Variants in GLIS2 observed in about 807,000 individuals in gnomAD.
The protein encoded by GLIS2 is zinc finger protein GLIS2.
GLIS2 carries 14 observed loss-of-function variants against 35.6 expected under a neutral mutation model. The observed-to-expected ratio is 0.39, with a 90% CI of 0.26 to 0.61. The LOEUF is 0.61. GLIS2 is among the 20% of genes least tolerant of loss of function. The probability of loss-of-function intolerance (pLI) is 0.48; values close to 1 mark genes in which losing one functional copy is unlikely to be tolerated. For missense variants in GLIS2, 675 were observed against 713.4 expected, an observed-to-expected ratio of 0.95 and a Z score of 0.61; for synonymous variants, 368 against 325.1, an observed-to-expected ratio of 1.13 and a Z score of -1.42.
intron 6 of GLIS2, chr16:4,336,439 G>T (rs979103364): frequency 2.9e-5 from 17 of 587,200 alleles, no homozygotes; most frequent in Non-Finnish European, 4.0e-5. Context: ...GAGCCACCGG[G>T]CCCGGCCTCC....
rs551297578 is a variant in GLIS2 at position 4,337,549 on chromosome 16, G to GC, written c.*32dup. On this transcript the variant is annotated 3_prime_UTR_variant, in exon 7 of 7. Transcript: ENST00000433375. ...AGCCCATCCTGCGGACAGTTGTGGTGCCCCCCCGGCAGCTCCCGGCACTGC... is the reference window on the plus strand; with the variant it reads ...AGCCCATCCTGCGGACAGTTGTGGTGCCCCCCCCGGCAGCTCCCGGCACTGC... 213 of 1,543,484 alleles carry GC rather than the reference G, an allele frequency of 1.4e-4. No homozygotes were observed. Among genetic ancestry groups the GC allele is most frequent in the African/African-American group, 6.7e-4 (49 of 73,610 alleles).
rs1185231897 is a variant in GLIS2, at chr16:4,316,108, C to T, written c.-213C>T. On this transcript the variant is annotated 5_prime_UTR_variant, in exon 1 of 7. Transcript: ENST00000433375. ...CTGCAGATGTGGCGGAGCGGCCGGG[C>T]GCCGGGCGGCCGTGCCAGGGGAGCC... Among the ~76,000 whole-genome samples the T allele has an allele frequency of 2.3e-5, 3 of 131,208 alleles. No homozygotes were observed. The highest frequency in any genetic ancestry group is 4.9e-5 in the Non-Finnish European group (3 of 61,394). The allele number at this position is 131,208 out of a possible 152,430, so 86.1% of individuals were successfully genotyped here. A position where few individuals can be genotyped will look rare whatever the true frequency, so the allele number is the denominator to read the frequency against.
At chr16:4,333,270 G>A (rs1253268792) in intron 2 of GLIS2, 77 bp from the exon 3 acceptor site, 1 of 1,539,308 alleles carries the variant, frequency 6.5e-7, no homozygotes, top group East Asian at 2.3e-5. Flanking sequence ...AGGTCACAGT[G>A]GGGGTTCGGA....
Position 4,332,359 on chromosome 16 carries a change from A to C in GLIS2, c.79A>C (p.Thr27Pro). Residue 27 changes from threonine (T) to proline (P), a missense_variant, in exon 2 of 7, where the codon ACG (threonine) becomes CCG (proline). Thr to Pro is a conservative substitution (Grantham distance 38). This residue lies in a region of GLIS2 where 225 missense variants were observed against 238.7 expected (regional missense o/e 0.94). Transcript: ENST00000433375. This position sits in a 1 kb window ranked among gnomAD's most constrained non-coding sequence, Gnocchi z 5.4. ...GGCGGCAAGAGAGAAGCGGGAGAGG[A>C]CGCTGGGTGTGGTCCGGCCCCGTGC... ...LRAAREKRER[T>P]LGVVRPRALH... is the part of the protein sequence containing the mutation. 1 of 1,613,080 alleles carries C rather than the reference A, an allele frequency of 6.2e-7. No homozygotes were observed. The highest frequency in any genetic ancestry group is 8.5e-7 in the Non-Finnish European group (1 of 1,180,010).
At chr16:4,327,196 G>C (rs886125640) in intron 1 of GLIS2, among the ~76,000 whole-genome samples, 3 of 152,190 alleles carry the variant, frequency 2.0e-5, no homozygotes, top group Non-Finnish European at 2.9e-5. Flanking sequence ...GCCTGGCCTA[G>C]AAGGAGCTTT....
At chr16:4,324,320 C>A (rs565691741) in intron 1 of GLIS2, among the ~76,000 whole-genome samples, 1 of 152,226 alleles carries the variant, frequency 6.6e-6, no homozygotes. Flanking sequence ...GCTCCTCCCC[C>A]TCCAGTCCTG....
chr16:4,326,799 C>T (rs1377100868), intron 1 of GLIS2, among the ~76,000 whole-genome samples: 7 of 149,154 alleles, frequency 4.7e-5, no homozygotes, highest in South Asian at 2.1e-4. Flanking sequence ...CTCACTCCGT[C>T]GCCCAGGCTG....
rs774316267 is a variant in GLIS2 at position 4,337,342 on chromosome 16, C to G, written c.1393C>G (p.Leu465Val). Reference sequence around the variant, plus strand: ...GGGCATGGAGGGCCACAAGACGCCCCTTGAAAGGACGGAGAGCAGCTGCTC... The same window carrying G: ...GGGCATGGAGGGCCACAAGACGCCCGTTGAAAGGACGGAGAGCAGCTGCTC... ...ALGMEGHKTP[L>V]ERTESSCSRP... Residue 465 changes from leucine (L) to valine (V), a missense_variant, in exon 7 of 7, where the codon CTT (leucine) becomes GTT (valine). Physicochemically the swap from Leu to Val is conservative, Grantham distance 32 (BLOSUM62 1). Transcript: ENST00000433375. 109 of 1,588,758 alleles carry G rather than the reference C, an allele frequency of 6.9e-5. No homozygotes were observed. The highest frequency in any genetic ancestry group is 8.6e-5 in the Non-Finnish European group (101 of 1,169,396).
At chr16:4,336,436 C>G (rs556095157) in intron 6 of GLIS2, 6 of 582,434 alleles carry the variant, frequency 1.0e-5, no homozygotes, top group Admixed American at 5.9e-5. Context: ...CGTGAGCCAC[C>G]GGGCCCGGCC....
At chr16:4,324,105 C>T (rs1481837731) in intron 1 of GLIS2, among the ~76,000 whole-genome samples, 2 of 152,214 alleles carry the variant, frequency 1.3e-5, no homozygotes, top group African/African-American at 4.8e-5. Flanking sequence ...GCTGGGTCAC[C>T]TCGGACCCCT....
At chr16:4,316,032 C>G (rs2053306583), upstream of GLIS2, among the ~76,000 whole-genome samples, 1 of 143,412 alleles carries the variant, frequency 7.0e-6, no homozygotes, top group Non-Finnish European at 1.6e-5. Flanking sequence ...CGCCCTCCCT[C>G]TAAGACATCC....
At chr16:4,321,113 G>A (rs2053374532) in intron 1 of GLIS2, among the ~76,000 whole-genome samples, 1 of 152,234 alleles carries the variant, frequency 6.6e-6, no homozygotes, top group Admixed American at 6.5e-5. Context: ...TGTGTGCGGT[G>A]CCCTGCTGGG....
rs1013025206 is a variant in GLIS2 at position 4,330,515 on chromosome 16, G to A, written c.-66-1700G>A. 4.6e-5 allele frequency among the ~76,000 whole-genome samples: 7 copies of A among 152,168 alleles called. No individual in the cohort carries two copies. The South Asian group carries it at 6.2e-4, about 14-fold the overall frequency. On this transcript the variant is annotated intron_variant, in intron 1 of 6. Transcript: ENST00000433375. Reference sequence around the variant, plus strand: ...AGCGCCCTGGGGCTCCCTGGCTTGCGATGCCTCTCCTCTAGGCCTCTGCAG... The same window carrying A: ...AGCGCCCTGGGGCTCCCTGGCTTGCAATGCCTCTCCTCTAGGCCTCTGCAG...
At chr16:4,323,181 G>A (rs2053395664) in intron 1 of GLIS2, among the ~76,000 whole-genome samples, 1 of 152,310 alleles carries the variant, frequency 6.6e-6, no homozygotes, top group African/African-American at 2.4e-5. Context: ...CCGCCTGGCA[G>A]GGCCTGGGCT....
intron 1 of GLIS2, among the ~76,000 whole-genome samples, chr16:4,316,477 G>A (rs1475044529): frequency 1.3e-5 from 2 of 151,820 alleles, no homozygotes; most frequent in African/African-American, 2.4e-5. Context: ...CGAGCTCTCG[G>A]TCTTTCTTCT....
rs766508781 is a variant in GLIS2 at position 4,335,125 on chromosome 16, C to A, written c.588C>A (p.Pro196=). Residue 196 remains proline (P), a synonymous_variant, in exon 5 of 7, where the codon CCC becomes CCA. Transcript: ENST00000433375. This position sits in a 1 kb window ranked among gnomAD's most constrained non-coding sequence, Gnocchi z 4.6. ...VDHVNDYHVK[P]EKDAGYCCHW... is the part of the protein sequence containing the mutation. The stretch of plus-strand genomic sequence containing the variant: ...ATGTCAACGATTACCATGTCAAGCC[C>A]GAGAAGGATGCGGGGTACTGCTGCC... 6.2e-7 allele frequency: 1 copy of A among 1,613,376 alleles called. No homozygotes were observed. The highest frequency in any genetic ancestry group is 8.5e-7 in the Non-Finnish European group (1 of 1,180,032).
intron 1 of GLIS2, chr16:4,331,791 T>A: frequency 5.1e-6 from 1 of 196,100 alleles, no homozygotes; most frequent in Admixed American, 5.3e-5. Flanking sequence ...AAAAGAAAAT[T>A]TTTTTTTTTA....
chr16:4,326,421 G>A (rs1478061616), intron 1 of GLIS2: 1 of 152,258 alleles, frequency 6.6e-6, no homozygotes, highest in Non-Finnish European at 1.5e-5. Flanking sequence ...TGCCACGCTG[G>A]TCACTCACCT....
chr16:4,332,092 C>A lies in GLIS2; in HGVS notation c.-66-123C>A. 1 of 755,798 alleles carries A rather than the reference C, an allele frequency of 1.3e-6. No individual in the cohort carries two copies. Among genetic ancestry groups the A allele is most frequent in the Non-Finnish European group, 2.2e-6 (1 of 446,174 alleles). The allele number at this position is 755,798 out of a possible 1,614,324, so 46.8% of individuals were successfully genotyped here. ...CTGCCGGCCAGGTCGCTCGGAGGGT[C>A]TCCCTACCCAGGAGACAACCTCACA... On this transcript the variant is annotated intron_variant, in intron 1 of 6. Transcript: ENST00000433375. This position sits in a 1 kb window ranked among gnomAD's most constrained non-coding sequence, Gnocchi z 5.4.
Sources: allele counts gnomAD v4.1 joint callset (sites outside exome capture counted in the v4.1 genomes callset), GRCh38; gene constraint gnomAD v4.1.1; regional missense constraint gnomAD v4.1.1; non-coding constraint Gnocchi (gnomAD v3.1); transcripts MANE v1.5; gene names NCBI Gene and HGNC (gene_info 2026-07-23, HGNC 2026-07-21).